The following SUPT3H variants were observed in gnomAD, a reference collection of about 807,000 sequenced individuals.
SUPT3H encodes the protein transcription initiation protein SPT3 homolog.
A neutral mutation model predicts 44.3 loss-of-function variants in SUPT3H; 44 were observed. That is an observed-to-expected ratio of 0.99 (90% CI 0.78 to 1.28). SUPT3H has a LOEUF of 1.28. SUPT3H is among the 50% of genes most tolerant of loss of function. The pLI, the probability that SUPT3H is intolerant of heterozygous loss-of-function variation, is 0.00. For synonymous variants in SUPT3H, 124 were observed against 125.6 expected (o/e 0.99, Z 0.09); for missense variants, 380 against 387.1 (o/e 0.98, Z 0.15).
At chr6:45,273,680 T>C (rs1425580079) in intron 2 of SUPT3H, among the ~76,000 whole-genome samples, 1 of 152,240 alleles carries the variant, frequency 6.6e-6, no homozygotes, top group Non-Finnish European at 1.5e-5. Flanking sequence ...TATTTAATTG[T>C]ATGACTCCTC....
intron 2 of SUPT3H, among the ~76,000 whole-genome samples, chr6:45,225,185 A>C (rs1357711519): frequency 2.6e-5 from 4 of 151,478 alleles, no homozygotes; most frequent in Admixed American, 6.6e-5. Flanking sequence ...AGGCTGAGGC[A>C]GGAGAATCGC....
At chr6:44,841,260 T>C (rs960828134) in intron 10 of SUPT3H, among the ~76,000 whole-genome samples, 2 of 152,248 alleles carry the variant, frequency 1.3e-5, no homozygotes, top group African/African-American at 4.8e-5. Context: ...AACCCTGTTT[T>C]AGCCATTATT....
chr6:44,888,871 C>A (rs866019910), intron 10 of SUPT3H, among the ~76,000 whole-genome samples: 1 of 143,922 alleles, frequency 6.9e-6, no homozygotes, highest in Non-Finnish European at 1.5e-5. Flanking sequence ...AAAACCCCAT[C>A]GTCTCAGCCC....
chr6:44,868,019 A>G (rs556354629), intron 10 of SUPT3H, among the ~76,000 whole-genome samples: 4 of 151,274 alleles, frequency 2.6e-5, no homozygotes, highest in Non-Finnish European at 5.9e-5. Context: ...GTAATTCTCA[A>G]TGGATCTCTT....
intron 2 of SUPT3H, among the ~76,000 whole-genome samples, chr6:45,352,330 A>G (rs1792239576): frequency 6.6e-6 from 1 of 152,200 alleles, no homozygotes; most frequent in Non-Finnish European, 1.5e-5. Flanking sequence ...ACCAAAGATC[A>G]AGTAGTTTTT....
chr6:45,344,832 G>A (rs745811864), intron 2 of SUPT3H, among the ~76,000 whole-genome samples: 1 of 152,128 alleles, frequency 6.6e-6, no homozygotes, highest in African/African-American at 2.4e-5. Context: ...AGTAAGCCAA[G>A]ATTCAGACTA....
rs547570637 is a variant in SUPT3H at position 44,905,925 on chromosome 6, C to A, written c.912+26728G>T. On this transcript the variant is annotated intron_variant, in intron 10 of 10. Coordinates refer to ENST00000371459, the MANE Select transcript of SUPT3H (RefSeq NM_003599.4). ...CATTCTCAGCAAACTATCGCAAGGA[C>A]AAAAAAACCAAACACCACATGTTCT... Among the ~76,000 whole-genome samples, 714 of 151,390 alleles carry A rather than the reference C, an allele frequency of 4.7e-3. 4 individuals are homozygous for A. Among genetic ancestry groups the A allele is most frequent in the African/African-American group, 0.016 (681 of 41,328 alleles).
intron 3 of SUPT3H, among the ~76,000 whole-genome samples, chr6:45,086,532 T>G (rs188089196): frequency 3.9e-5 from 6 of 152,038 alleles, no homozygotes; most frequent in African/African-American, 7.2e-5. Flanking sequence ...AGACTAAGCA[T>G]ACATAAACTA....
At chr6:45,349,491 A>G (rs1249143112) in intron 2 of SUPT3H, among the ~76,000 whole-genome samples, 1 of 152,202 alleles carries the variant, frequency 6.6e-6, no homozygotes, top group Non-Finnish European at 1.5e-5. Flanking sequence ...CTGGGAATTT[A>G]TTTGAAAGGC....
chr6:44,826,680 A>T (rs917080671), downstream of SUPT3H, among the ~76,000 whole-genome samples: 14 of 152,234 alleles, frequency 9.2e-5, no homozygotes, highest in Admixed American at 2.0e-4. Flanking sequence ...ACGTAAAAAA[A>T]TTCATAAAAT....
At chr6:45,310,271 G>C (rs1783734573) in intron 2 of SUPT3H, among the ~76,000 whole-genome samples, 1 of 152,038 alleles carries the variant, frequency 6.6e-6, no homozygotes, top group African/African-American at 2.4e-5. Flanking sequence ...AGTAGCCACA[G>C]CAAGACGGCC....
intron 10 of SUPT3H, among the ~76,000 whole-genome samples, chr6:44,859,959 T>C (rs16872751): frequency 0.081 from 12,328 of 152,168 alleles, 766 homozygotes; most frequent in African/African-American, 0.17. Context: ...AAAAATGAGA[T>C]TGGGGAATCA....
intron 2 of SUPT3H, among the ~76,000 whole-genome samples, chr6:45,238,302 G>A (rs1325965022): frequency 6.6e-6 from 1 of 152,042 alleles, no homozygotes; most frequent in Non-Finnish European, 1.5e-5. Context: ...TCCTACTTGG[G>A]GACCTCAGTA....
At chr6:44,901,722 C>T (rs1765096025) in intron 10 of SUPT3H, among the ~76,000 whole-genome samples, 1 of 151,344 alleles carries the variant, frequency 6.6e-6, no homozygotes, top group African/African-American at 2.4e-5. Flanking sequence ...ACATAATTGT[C>T]AGATTCACCA....
chr6:45,310,584 T>C (rs906968425), intron 2 of SUPT3H, among the ~76,000 whole-genome samples: 8 of 152,084 alleles, frequency 5.3e-5, no homozygotes, highest in Non-Finnish European at 7.4e-5. Flanking sequence ...GAGAGACCCA[T>C]AGACGGTTCA....
intron 2 of SUPT3H, among the ~76,000 whole-genome samples, chr6:45,251,369 A>C (rs1482330543): frequency 6.7e-6 from 1 of 150,240 alleles, no homozygotes; most frequent in African/African-American, 2.5e-5. Context: ...CTTTAAACTT[A>C]TTCTAAATGA....
At chr6:45,190,826 G>C (rs764566241) in intron 2 of SUPT3H, among the ~76,000 whole-genome samples, 1 of 151,946 alleles carries the variant, frequency 6.6e-6, no homozygotes, top group Non-Finnish European at 1.5e-5. Flanking sequence ...AATAAGCACA[G>C]GAAAAGATGC....
At chr6:45,160,978 A>G (rs1472404957) in intron 2 of SUPT3H, among the ~76,000 whole-genome samples, 4 of 152,032 alleles carry the variant, frequency 2.6e-5, no homozygotes, top group African/African-American at 9.7e-5. Flanking sequence ...CGGATCCCTC[A>G]TGGCTTAGTG....
chr6:44,890,908 A>C (rs916198135), intron 10 of SUPT3H, among the ~76,000 whole-genome samples: 1 of 149,338 alleles, frequency 6.7e-6, no homozygotes, highest in Admixed American at 6.7e-5. Flanking sequence ...AAAACCAAAC[A>C]CTGCAAGTCG....
Sources: gnomAD v4.1 joint callset for allele counts (sites outside exome capture counted in the v4.1 genomes callset) on GRCh38, gnomAD v4.1.1 for gene constraint, MANE v1.5 for transcripts, NCBI Gene and HGNC (gene_info 2026-07-23, HGNC 2026-07-21) for gene names.